MEMO1: variants seen among roughly 807,000 people sequenced by gnomAD.
MEMO1 encodes the protein mediator of cell motility 1.
Under a neutral mutation model 45.2 loss-of-function variants are expected in MEMO1, and 6 were observed. That is an observed-to-expected ratio of 0.13 (90% CI 0.07 to 0.26). MEMO1 has a LOEUF of 0.26. Ranked by LOEUF, MEMO1 falls within the 10% of genes least tolerant of loss-of-function variation. The pLI is 1.00. For missense variants in MEMO1, 184 were observed against 370.5 expected, an observed-to-expected ratio of 0.50 and a Z score of 4.13; for synonymous variants, 78 against 124.3, an observed-to-expected ratio of 0.63 and a Z score of 2.48.
intron 7 of MEMO1, among the ~76,000 whole-genome samples, chr2:31,891,737 T>G (rs996796732): frequency 6.6e-6 from 1 of 152,134 alleles, no homozygotes; most frequent in African/African-American, 2.4e-5. Flanking sequence ...TAAATAAGTG[T>G]CTAAACAAGG....
intron 2 of MEMO1, among the ~76,000 whole-genome samples, chr2:32,000,472 C>T (rs1182437586): frequency 1.3e-5 from 2 of 151,866 alleles, no homozygotes; most frequent in Non-Finnish European, 2.9e-5. Context: ...CCTCGTGATC[C>T]GCCCGCCTCG....
intron 6 of MEMO1, among the ~76,000 whole-genome samples, chr2:31,898,295 T>C (rs963653533): frequency 3.9e-5 from 6 of 152,194 alleles, no homozygotes; most frequent in Non-Finnish European, 7.3e-5. Flanking sequence ...CTAGTTCTTT[T>C]AATTGTGAGG....
At chr2:31,881,605 G>C (rs957105828) in intron 8 of MEMO1, among the ~76,000 whole-genome samples, 1 of 150,442 alleles carries the variant, frequency 6.6e-6, no homozygotes, top group African/African-American at 2.4e-5. Context: ...AAGGACAAAT[G>C]AAGAGAAAAA....
chr2:31,897,444 C>A (rs574015064), intron 6 of MEMO1, among the ~76,000 whole-genome samples: 8 of 152,158 alleles, frequency 5.3e-5, no homozygotes, highest in Non-Finnish European at 1.0e-4. Context: ...TGAATTTTAT[C>A]AAAGGCCTTT....
At chr2:31,941,787 T>C (rs1438374304) in intron 3 of MEMO1, among the ~76,000 whole-genome samples, 1 of 152,202 alleles carries the variant, frequency 6.6e-6, no homozygotes, top group Non-Finnish European at 1.5e-5. Flanking sequence ...GGAGTCAGGC[T>C]CCTGCACCCA....
At chr2:31,998,497 C>T (rs1000112793) in intron 2 of MEMO1, among the ~76,000 whole-genome samples, 1 of 152,076 alleles carries the variant, frequency 6.6e-6, no homozygotes, top group Admixed American at 6.6e-5. Context: ...CATCCAGATA[C>T]CTGGCTTTAA....
intron 2 of MEMO1, among the ~76,000 whole-genome samples, chr2:31,969,327 G>A (rs1372796183): frequency 6.7e-6 from 1 of 149,114 alleles, no homozygotes; most frequent in Non-Finnish European, 1.5e-5. Flanking sequence ...TGTGTGATAT[G>A]TGTGTATATA....
At chr2:31,987,200 G>A (rs1402092737) in intron 2 of MEMO1, among the ~76,000 whole-genome samples, 5 of 151,732 alleles carry the variant, frequency 3.3e-5, no homozygotes, top group African/African-American at 7.3e-5. Context: ...AAGGGGTCTC[G>A]CTATGTTGTC....
At chr2:31,909,485 T>C (rs1214406001) in intron 6 of MEMO1, among the ~76,000 whole-genome samples, 1 of 151,670 alleles carries the variant, frequency 6.6e-6, no homozygotes, top group African/African-American at 2.4e-5. Context: ...GAAAAAGAAA[T>C]CAAGAAAGCA....
chr2:32,000,233 ATTT>A (rs753896973), intron 2 of MEMO1, among the ~76,000 whole-genome samples: 1 of 139,392 alleles, frequency 7.2e-6, no homozygotes, highest in Non-Finnish European at 1.6e-5. Context: ...CTTTTTACTT[ATTT>A]TTTTTTTTTT....
intron 4 of MEMO1, among the ~76,000 whole-genome samples, chr2:31,929,518 A>C (rs1683632856): frequency 1.3e-5 from 2 of 152,346 alleles, no homozygotes; most frequent in Admixed American, 6.5e-5. Flanking sequence ...CCCTTATCTA[A>C]CTAGTATTTA....
intron 2 of MEMO1, among the ~76,000 whole-genome samples, chr2:31,966,261 GT>G (rs1369894961): frequency 7.2e-4 from 109 of 152,192 alleles, no homozygotes; most frequent in African/African-American, 2.6e-3. Context: ...TACCTCCACT[GT>G]TTAAATAGAG....
At chr2:31,965,906 C>G (rs1668559713) in intron 2 of MEMO1, among the ~76,000 whole-genome samples, 2 of 152,080 alleles carry the variant, frequency 1.3e-5, no homozygotes, top group Non-Finnish European at 2.9e-5. Context: ...GTGCAGCAAA[C>G]CACCATGGCA....
intron 2 of MEMO1, among the ~76,000 whole-genome samples, chr2:31,977,720 G>A (rs1230966875): frequency 1.3e-5 from 2 of 151,898 alleles, no homozygotes; most frequent in African/African-American, 4.8e-5. Flanking sequence ...TTTGTTAGAG[G>A]TGGGATTTCA....
At chr2:31,869,743 G>T in intron 9 of MEMO1, 105 bp downstream of exon 9, 6 of 1,235,958 alleles carry the variant, frequency 4.9e-6, no homozygotes, top group Non-Finnish European at 6.6e-6. Context: ...AAAGAAACTT[G>T]ACCATAGGTA....
intron 7 of MEMO1, among the ~76,000 whole-genome samples, chr2:31,889,918 A>G (rs1359465205): frequency 6.6e-6 from 1 of 152,124 alleles, no homozygotes; most frequent in African/African-American, 2.4e-5. Context: ...AGTCTTTAAA[A>G]TTTTTGAGCT....
intron 2 of MEMO1, among the ~76,000 whole-genome samples, chr2:31,985,663 C>T (rs1572896153): frequency 6.6e-6 from 1 of 152,266 alleles, no homozygotes; most frequent in East Asian, 1.9e-4. Flanking sequence ...GTGTTGCTCT[C>T]CTTTACATGG....
chr2:31,893,981 CTCA>C (rs1385171219), intron 6 of MEMO1, among the ~76,000 whole-genome samples: 1 of 152,068 alleles, frequency 6.6e-6, no homozygotes, highest in Non-Finnish European at 1.5e-5. Flanking sequence ...CAGACAAATA[CTCA>C]TGAATTAGAG....
chr2:31,939,284 A>T (rs945041820), intron 3 of MEMO1, among the ~76,000 whole-genome samples: 3 of 152,180 alleles, frequency 2.0e-5, no homozygotes, highest in Non-Finnish European at 4.4e-5. Flanking sequence ...ATATGTTTAT[A>T]TGTTTATTAT....
Sources: allele counts gnomAD v4.1 joint callset (sites outside exome capture counted in the v4.1 genomes callset), GRCh38; gene constraint gnomAD v4.1.1; transcripts MANE v1.5; gene names NCBI Gene and HGNC (gene_info 2026-07-23, HGNC 2026-07-21).